Variants in CCDC85C observed in about 807,000 individuals in gnomAD.
CCDC85C encodes the protein coiled-coil domain containing 85C, also known as coiled-coil domain-containing protein 85C.
A neutral mutation model predicts 38.3 loss-of-function variants in CCDC85C; 18 were observed. The ratio of observed to expected loss-of-function variants is 0.47; its 90% CI spans 0.33 to 0.70. CCDC85C has a LOEUF of 0.70. Among genes scored for constraint, CCDC85C ranks in the 30% least tolerant of loss-of-function variants. The pLI is 0.03. For synonymous variants in CCDC85C, 264 were observed against 293.8 expected (o/e 0.90, Z 1.04); for missense variants, 566 against 621.2 (o/e 0.91, Z 0.94).
At chr14:99,515,526 T>C (rs1897209097) in intron 5 of CCDC85C, among the ~76,000 whole-genome samples, 191 bp from the exon 6 acceptor site, 1 of 152,168 alleles carries the variant, frequency 6.6e-6, no homozygotes, top group Admixed American at 6.5e-5. Flanking sequence ...CTATCGGGCC[T>C]GAGCAGGTCA....
At chr14:99,575,863 C>T (rs1481023030) in intron 1 of CCDC85C, among the ~76,000 whole-genome samples, 2 of 152,198 alleles carry the variant, frequency 1.3e-5, no homozygotes, top group Non-Finnish European at 1.5e-5. Context: ...CACGGACTAA[C>T]CCCCACAGAC....
At position 99,506,055 on chromosome 14, in the gene CCDC85C, G is replaced by A. The variant is rs1188463425; in HGVS notation, c.*9191C>T. The A allele has an allele frequency of 6.6e-6, 1 of 152,490 alleles. No homozygotes were observed. Among genetic ancestry groups the A allele is most frequent in the Non-Finnish European group, 1.5e-5 (1 of 68,214 alleles). 9.4% of individuals were successfully genotyped at this position (152,490 alleles called of 1,614,324 possible). ...AAAGGTAGAGTGTGAGGTGCTGATT[G>A]GTGGGTCTAGGGATGGGCCATGGTT... On this transcript the variant is annotated 3_prime_UTR_variant, in exon 6 of 6. Coordinates refer to ENST00000380243, the MANE Select transcript of CCDC85C (RefSeq NM_001144995.2).
At chr14:99,529,860 G>T (rs1451419393) in intron 2 of CCDC85C, among the ~76,000 whole-genome samples, 1 of 152,248 alleles carries the variant, frequency 6.6e-6, no homozygotes, top group Non-Finnish European at 1.5e-5. Context: ...AAAGATCACG[G>T]TGGTTAACCC....
intron 1 of CCDC85C, among the ~76,000 whole-genome samples, chr14:99,568,692 G>A (rs1388359422): frequency 6.6e-6 from 1 of 152,230 alleles, no homozygotes; most frequent in Non-Finnish European, 1.5e-5. Context: ...CGGGGCAGGA[G>A]GGCAGGGCCG....
intron 1 of CCDC85C, among the ~76,000 whole-genome samples, chr14:99,582,034 T>C (rs1020114303): frequency 1.2e-4 from 19 of 152,168 alleles, no homozygotes; most frequent in African/African-American, 4.1e-4. Context: ...TATCCCCTTA[T>C]GTGACCTAGT....
intron 1 of CCDC85C, among the ~76,000 whole-genome samples, chr14:99,578,966 G>GAT (rs1220820638): frequency 6.6e-6 from 1 of 152,202 alleles, no homozygotes; most frequent in Non-Finnish European, 1.5e-5. Context: ...CCCTGCTGGG[G>GAT]CATGGAGGAG....
intron 1 of CCDC85C, among the ~76,000 whole-genome samples, chr14:99,577,045 G>T (rs1898492693): frequency 6.6e-6 from 1 of 151,984 alleles, no homozygotes; most frequent in Non-Finnish European, 1.5e-5. Context: ...GAGGCCTGGG[G>T]AGTCACAGCA....
At chr14:99,538,836 C>A (rs10129600) in intron 1 of CCDC85C, among the ~76,000 whole-genome samples, 9,546 of 152,268 alleles carry the variant, frequency 0.063, 835 homozygotes, top group African/African-American at 0.19. Context: ...AGGTGGCATC[C>A]GGAGAAGGGA....
chr14:99,547,522 C>T (rs556912436), intron 1 of CCDC85C, among the ~76,000 whole-genome samples: 13 of 152,242 alleles, frequency 8.5e-5, no homozygotes, highest in African/African-American at 1.9e-4. Context: ...GCCTGTAATC[C>T]CAGCACTTTG....
In CCDC85C at chr14:99,511,032, G is replaced by T. The variant is rs1317835547; in HGVS notation, c.*4214C>A. 2.9e-6 allele frequency: 1 copy of T among 344,552 alleles called. No individual in the cohort carries two copies. Among genetic ancestry groups the T allele is most frequent in the Non-Finnish European group, 5.2e-6 (1 of 192,156 alleles). 21.3% of individuals were successfully genotyped at this position (344,552 alleles called of 1,614,324 possible). On this transcript the variant is annotated 3_prime_UTR_variant, in exon 6 of 6. Transcript: ENST00000380243. Reference sequence around the variant, plus strand: ...TGTACACTTGGTTCAGCTAATGTCTGAGAGTCCTGCACTGGGTTACTTTAT... The same window carrying T: ...TGTACACTTGGTTCAGCTAATGTCTTAGAGTCCTGCACTGGGTTACTTTAT...
intron 1 of CCDC85C, among the ~76,000 whole-genome samples, chr14:99,538,241 CCACTA>C (rs143706093): frequency 0.022 from 3,400 of 152,326 alleles, 118 homozygotes; most frequent in African/African-American, 0.077. Context: ...GCCCCTCTCC[CCACTA>C]CCCAGGCCCA....
intron 1 of CCDC85C, among the ~76,000 whole-genome samples, chr14:99,595,592 C>T (rs1001536949): frequency 6.6e-5 from 10 of 152,162 alleles, no homozygotes; most frequent in Admixed American, 2.6e-4. Flanking sequence ...GTTCCCAATT[C>T]GGCCACCCCT....
At chr14:99,546,430 G>C (rs12433182) in intron 1 of CCDC85C, among the ~76,000 whole-genome samples, 66,955 of 151,774 alleles carry the variant, frequency 0.44, 15,658 homozygotes, top group South Asian at 0.57. Flanking sequence ...CTGGGAGAGC[G>C]GCTCAGGGAA....
intron 1 of CCDC85C, among the ~76,000 whole-genome samples, chr14:99,546,067 G>A (rs542253628): frequency 8.9e-4 from 135 of 151,214 alleles, no homozygotes; most frequent in African/African-American, 3.2e-3. Flanking sequence ...TGGGGGGGGG[G>A]AATAAACAAC....
Position 99,501,416 on chromosome 14 carries a change from A to G in CCDC85C, c.*13830T>C. The G allele has an allele frequency of 6.3e-7, 1 of 1,580,300 alleles. No homozygotes were observed. The highest frequency in any genetic ancestry group is 8.7e-7 in the Non-Finnish European group (1 of 1,151,254). ...GCATGGACATTTGTAAATGACAGGT[A>G]TACATGTTCAAATGTTGATTAATTA... is the stretch of plus-strand genomic sequence containing the variant. On this transcript the variant is annotated 3_prime_UTR_variant, in exon 6 of 6. Coordinates refer to ENST00000380243, the MANE Select transcript of CCDC85C (RefSeq NM_001144995.2).
At chr14:99,527,907 G>C (rs1897418028) in intron 2 of CCDC85C, among the ~76,000 whole-genome samples, 1 of 152,206 alleles carries the variant, frequency 6.6e-6, no homozygotes, top group Non-Finnish European at 1.5e-5. Flanking sequence ...AGGACCCCGG[G>C]CACCTGGGCA....
chr14:99,572,925 T>G lies in CCDC85C; in HGVS notation c.793+30242A>C, dbSNP rs1378000784. 2.3e-6 allele frequency: 1 copy of G among 426,744 alleles called. No individual in the cohort carries two copies. Among genetic ancestry groups the G allele is most frequent in the Non-Finnish European group, 4.7e-6 (1 of 212,250 alleles). The allele number at this position is 426,744 out of a possible 1,614,324, so 26.4% of individuals were successfully genotyped here. ...GGAGGCACGGACCTGAGGCAGCGCC[T>G]TCTCTTAGCTCTGAGCCCTGCCTTC... On this transcript the variant is annotated intron_variant, in intron 1 of 5. Coordinates refer to ENST00000380243, the MANE Select transcript of CCDC85C (RefSeq NM_001144995.2). The surrounding 1 kb of genome is among the most constrained non-coding windows in gnomAD (Gnocchi z 4.4).
At chr14:99,537,352 C>T (rs1164427441) in intron 1 of CCDC85C, among the ~76,000 whole-genome samples, 1 of 152,132 alleles carries the variant, frequency 6.6e-6, no homozygotes, top group African/African-American at 2.4e-5. Context: ...GTTAACATGC[C>T]TGGGGGGACA....
rs1234106230 is a variant in CCDC85C, at chr14:99,503,391, G to A, written c.*11855C>T. ...CAGAACTCACCATTCAGGAAAGCTA[G>A]TCATTCTGTCTTATTTGGTAAATGG... On this transcript the variant is annotated 3_prime_UTR_variant, in exon 6 of 6. Coordinates refer to ENST00000380243, the MANE Select transcript of CCDC85C (RefSeq NM_001144995.2). 1 of 603,602 alleles carries A rather than the reference G, an allele frequency of 1.7e-6. No individual in the cohort carries two copies. Among genetic ancestry groups the A allele is most frequent in the Non-Finnish European group, 3.0e-6 (1 of 338,828 alleles). The allele number at this position is 603,602 out of a possible 1,614,324, so 37.4% of individuals were successfully genotyped here. A position where few individuals can be genotyped will look rare whatever the true frequency, so the allele number is the denominator to read the frequency against.
Sources: gnomAD v4.1 joint callset for allele counts (sites outside exome capture counted in the v4.1 genomes callset) on GRCh38, gnomAD v4.1.1 for gene constraint, Gnocchi (gnomAD v3.1) non-coding constraint, MANE v1.5 for transcripts, NCBI Gene and HGNC (gene_info 2026-07-23, HGNC 2026-07-21) for gene names.